The following GALNT17 variants were observed in gnomAD, a reference collection of about 807,000 sequenced individuals.
GALNT17 encodes polypeptide N-acetylgalactosaminyltransferase 17, also known as UDP-GalNAc:polypeptide N-acetylgalactosaminyltransferase-like 3.
GALNT17 carries 29 observed loss-of-function variants against 63.7 expected under a neutral mutation model. That is an observed-to-expected ratio of 0.46 (90% CI 0.34 to 0.62). The LOEUF is 0.62. GALNT17 is among the 20% of genes least tolerant of loss of function. The probability of loss-of-function intolerance (pLI) is 0.01; values close to 1 mark genes in which losing one functional copy is unlikely to be tolerated. For missense variants in GALNT17, 603 were observed against 799.6 expected (o/e 0.75, Z 2.97); for synonymous variants, 305 against 318.3 (o/e 0.96, Z 0.45).
At chr7:71,239,092 A>G (rs1562939467) in intron 1 of GALNT17, among the ~76,000 whole-genome samples, 1 of 152,144 alleles carries the variant, frequency 6.6e-6, no homozygotes, top group Non-Finnish European at 1.5e-5. Context: ...TTGCAATCTA[A>G]TGAGACACCT....
chr7:71,147,658 G>A (rs1788048529), intron 1 of GALNT17, among the ~76,000 whole-genome samples: 1 of 150,688 alleles, frequency 6.6e-6, no homozygotes, highest in African/African-American at 2.4e-5. Context: ...TTTAGACGGA[G>A]TCTCACTCTG....
chr7:71,297,696 A>G (rs555677154), intron 1 of GALNT17, among the ~76,000 whole-genome samples: 2 of 152,374 alleles, frequency 1.3e-5, no homozygotes, highest in South Asian at 2.1e-4. Context: ...ATTTCAACCA[A>G]CAGGTGAATG....
intron 1 of GALNT17, among the ~76,000 whole-genome samples, chr7:71,260,944 TA>T (rs1790373996): frequency 6.6e-6 from 1 of 152,260 alleles, no homozygotes; most frequent in East Asian, 1.9e-4. Context: ...AAAAGAATTA[TA>T]AACCCAGGTG....
At chr7:71,244,315 T>C (rs534599840) in intron 1 of GALNT17, among the ~76,000 whole-genome samples, 2 of 152,294 alleles carry the variant, frequency 1.3e-5, no homozygotes, top group Admixed American at 6.5e-5. Context: ...ACTAAGACAT[T>C]TCAGTAATTC....
At chr7:71,709,578 GTT>G (rs5884857) in intron 9 of GALNT17, among the ~76,000 whole-genome samples, 1 of 143,860 alleles carries the variant, frequency 7.0e-6, no homozygotes, top group African/African-American at 2.6e-5. Context: ...CAGTTTTTGG[GTT>G]TTTTTTTTTG....
At chr7:71,268,892 T>C (rs1882569) in intron 1 of GALNT17, among the ~76,000 whole-genome samples, 74,478 of 151,904 alleles carry the variant, frequency 0.49, 18,946 homozygotes, top group Non-Finnish European at 0.54. Flanking sequence ...ACATGGCTTC[T>C]TCTAGCATGA....
At chr7:71,538,850 G>A (rs1339295162) in intron 5 of GALNT17, among the ~76,000 whole-genome samples, 1 of 151,824 alleles carries the variant, frequency 6.6e-6, no homozygotes, top group Non-Finnish European at 1.5e-5. Flanking sequence ...AGAGAGAAAG[G>A]AAGGAGGGAG....
rs150649510 is a variant in GALNT17 at position 71,184,870 on chromosome 7, G to A, written c.238+51830G>A. Among the ~76,000 whole-genome samples the A allele has an allele frequency of 4.2e-3, 633 of 151,958 alleles. 6 individuals are homozygous for A. Among genetic ancestry groups the A allele is most frequent in the African/African-American group, 0.014 (594 of 41,376 alleles). On this transcript the variant is annotated intron_variant, in intron 1 of 10. Coordinates refer to ENST00000333538, the MANE Select transcript of GALNT17 (RefSeq NM_022479.3). ...AGTGTATAAGACTTCTGGATGTGGA[G>A]GCAGCCTGCTGCACAAGCCCTGTGA...
chr7:71,638,640 G>A (rs1308308437), intron 6 of GALNT17, among the ~76,000 whole-genome samples: 1 of 152,164 alleles, frequency 6.6e-6, no homozygotes, highest in Non-Finnish European at 1.5e-5. Context: ...AATGTGGATG[G>A]CTGGGGAGGT....
chr7:71,624,163 G>A (rs1790337911), intron 6 of GALNT17, among the ~76,000 whole-genome samples: 1 of 152,182 alleles, frequency 6.6e-6, no homozygotes, highest in Admixed American at 6.6e-5. Flanking sequence ...TACCCAGAGG[G>A]CATGGGGCTC....
At chr7:71,672,356 G>A (rs2117058846) in intron 8 of GALNT17, among the ~76,000 whole-genome samples, 1 of 152,270 alleles carries the variant, frequency 6.6e-6, no homozygotes, top group African/African-American at 2.4e-5. Flanking sequence ...TGATGAATCT[G>A]ATCTCTGAAT....
chr7:71,706,995 G>A (rs1375805726), intron 9 of GALNT17, among the ~76,000 whole-genome samples: 3 of 152,130 alleles, frequency 2.0e-5, no homozygotes, highest in Non-Finnish European at 4.4e-5. Flanking sequence ...TGAGGTATTC[G>A]GTGACCAAAA....
At chr7:71,265,118 ATTT>A (rs60738546) in intron 1 of GALNT17, among the ~76,000 whole-genome samples, 47 of 37,424 alleles carry the variant, frequency 1.3e-3, no homozygotes, top group African/African-American at 3.0e-3. Flanking sequence ...ATATATATAT[ATTT>A]TTTTTTTTTT....
At chr7:71,433,220 G>T (rs1168493975) in intron 5 of GALNT17, among the ~76,000 whole-genome samples, 3 of 152,054 alleles carry the variant, frequency 2.0e-5, no homozygotes, top group Admixed American at 1.3e-4. Context: ...CTGTATAGAG[G>T]GCTCTAAAAA....
rs369914701 is a variant in GALNT17, at chr7:71,517,140, T to G, written c.963-54145T>G. Among the ~76,000 whole-genome samples, 25 of 152,290 alleles carry G rather than the reference T, an allele frequency of 1.6e-4. No homozygotes were observed. In the East Asian group the frequency reaches 2.5e-3, roughly 15 times the overall value. On this transcript the variant is annotated intron_variant, in intron 5 of 10. Transcript: ENST00000333538. ...ACTAGGCAGCTTAAACAACAGACATTTATTTCTCACAGTTCTGAGGCTGGG... is the reference window on the plus strand; with the variant it reads ...ACTAGGCAGCTTAAACAACAGACATGTATTTCTCACAGTTCTGAGGCTGGG...
At chr7:71,336,754 G>A (rs1791916021) in intron 2 of GALNT17, among the ~76,000 whole-genome samples, 1 of 152,150 alleles carries the variant, frequency 6.6e-6, no homozygotes, top group Admixed American at 6.5e-5. Context: ...GGGCATTTAG[G>A]TTGATTCCAT....
At chr7:71,310,016 A>T (rs1428726246) in intron 1 of GALNT17, among the ~76,000 whole-genome samples, 2 of 152,222 alleles carry the variant, frequency 1.3e-5, no homozygotes, top group South Asian at 4.1e-4. Context: ...TGATGGTTTT[A>T]TAAGGGGGAG....
chr7:71,677,065 C>T, intron 8 of GALNT17, 146 bp from the exon 9 acceptor site: 1 of 788,528 alleles, frequency 1.3e-6, no homozygotes, highest in Non-Finnish European at 2.2e-6. Context: ...GTGATCACCG[C>T]AAAGATTTGA....
chr7:71,453,589 C>T (rs777474826), intron 5 of GALNT17, among the ~76,000 whole-genome samples: 1 of 152,152 alleles, frequency 6.6e-6, no homozygotes, highest in Non-Finnish European at 1.5e-5. Flanking sequence ...TCCCACAACA[C>T]GTGGGAATTA....
Sources: gnomAD v4.1 joint callset for allele counts (sites outside exome capture counted in the v4.1 genomes callset) on GRCh38, gnomAD v4.1.1 for gene constraint, MANE v1.5 for transcripts, NCBI Gene and HGNC (gene_info 2026-07-23, HGNC 2026-07-21) for gene names.